The following SGTB variants were observed in gnomAD, a reference collection of about 807,000 sequenced individuals.
SGTB encodes the protein small glutamine-rich tetratricopeptide repeat-containing protein beta.
Under a neutral mutation model 43.9 loss-of-function variants are expected in SGTB, and 19 were observed. The ratio of observed to expected loss-of-function variants is 0.43; its 90% CI spans 0.30 to 0.63. SGTB has a LOEUF of 0.63. SGTB is among the 30% of genes least tolerant of loss of function. The pLI is 0.12. For missense variants in SGTB, 304 were observed against 358.9 expected (o/e 0.85, Z 1.24); for synonymous variants, 116 against 117.3 (o/e 0.99, Z 0.07).
At chr5:65,675,314 C>G (rs759528283) in intron 8 of SGTB, among the ~76,000 whole-genome samples, 2 of 152,154 alleles carry the variant, frequency 1.3e-5, no homozygotes, top group African/African-American at 2.4e-5. Flanking sequence ...GAGGGGCAAG[C>G]TAGGGAACCA....
intron 4 of SGTB, among the ~76,000 whole-genome samples, chr5:65,705,035 G>A: frequency 6.6e-6 from 1 of 152,196 alleles, no homozygotes; most frequent in East Asian, 1.9e-4. Flanking sequence ...AGATACATCT[G>A]GCAGTAATTT....
At chr5:65,720,244 G>A (rs750699253) in intron 2 of SGTB, among the ~76,000 whole-genome samples, 5 of 151,848 alleles carry the variant, frequency 3.3e-5, no homozygotes, top group Non-Finnish European at 5.9e-5. Context: ...ACCACACCTG[G>A]CTACTTTTTG....
chr5:65,682,397 G>T (rs1757413996), intron 6 of SGTB, among the ~76,000 whole-genome samples: 1 of 152,158 alleles, frequency 6.6e-6, no homozygotes, highest in South Asian at 2.1e-4. Context: ...GCTCACTCTG[G>T]CTTCTACGTA....
chr5:65,704,035 C>CAAAA (rs11405488), intron 5 of SGTB, among the ~76,000 whole-genome samples: 18 of 133,340 alleles, frequency 1.3e-4, no homozygotes, highest in South Asian at 2.5e-4. Flanking sequence ...GACTCCGTCT[C>CAAAA]AAAAAAAAAA....
chr5:65,680,260 G>A (rs2150706058), intron 8 of SGTB, among the ~76,000 whole-genome samples: 1 of 152,250 alleles, frequency 6.6e-6, no homozygotes, highest in Middle Eastern at 3.4e-3. Flanking sequence ...GATCTGTGCA[G>A]CAAACTACCA....
At chr5:65,691,327 G>C (rs540298640) in intron 5 of SGTB, among the ~76,000 whole-genome samples, 2 of 152,300 alleles carry the variant, frequency 1.3e-5, no homozygotes, top group East Asian at 1.9e-4. Flanking sequence ...CTTCCTTGGA[G>C]AAATAGTTGA....
At chr5:65,685,103 GAACTGTCTGCCT>G (rs1170695596) in intron 6 of SGTB, among the ~76,000 whole-genome samples, 8 of 152,130 alleles carry the variant, frequency 5.3e-5, no homozygotes, top group Non-Finnish European at 1.2e-4. Flanking sequence ...AAAAATAATA[GAACTGTCTGCCT>G]AACTGTCTGC....
rs1758080351 is a variant in SGTB, at chr5:65,713,406, T to G, written c.101-342A>C. 2.0e-5 allele frequency among the ~76,000 whole-genome samples: 3 copies of G among 152,066 alleles called. No individual in the cohort carries two copies. The South Asian group carries it at 6.2e-4, about 32-fold the overall frequency. ...GCACAATTATAGCTCACTGTTGCCT[T>G]GACTTCCTGGGCTCAAGGGATCCCC... On this transcript the variant is annotated intron_variant, in intron 2 of 10. Coordinates refer to ENST00000381007, the MANE Select transcript of SGTB (RefSeq NM_019072.3).
At chr5:65,686,517 G>GTTT (rs1384920398) in intron 5 of SGTB, among the ~76,000 whole-genome samples, 1 of 137,338 alleles carries the variant, frequency 7.3e-6, no homozygotes, top group African/African-American at 2.7e-5. Flanking sequence ...ACCCACATTT[G>GTTT]TTTTTTTTTT....
At chr5:65,722,503 G>T, upstream of SGTB, 2 of 1,213,928 alleles carry the variant, frequency 1.6e-6, no homozygotes, top group South Asian at 1.3e-5. Context: ...ACCCCTTCCC[G>T]ACCGCGCCTC....
chr5:65,720,259 T>A (rs1280874580), intron 2 of SGTB, among the ~76,000 whole-genome samples: 2 of 152,022 alleles, frequency 1.3e-5, no homozygotes, highest in African/African-American at 4.8e-5. Context: ...TTTTTGTATT[T>A]TTAGTAGAGA....
chr5:65,712,997 C>T lies in SGTB; in HGVS notation c.168G>A (p.Gln56=). ...SPEDTHLAVS[Q]PLTEMFTSSF... ...AACTGGTAAACATTTCTGTCAAAGG[C>T]TGTGAAACTGCTAGGTGTGTATCTT... The change falls in exon 3 of 11, where the codon CAG becomes CAA. Residue 56 remains glutamine (Q), a synonymous_variant. Transcript: ENST00000381007. 1 of 1,613,734 alleles carries T rather than the reference C, an allele frequency of 6.2e-7. No individual in the cohort carries two copies. The highest frequency in any genetic ancestry group is 8.5e-7 in the Non-Finnish European group (1 of 1,179,824).
chr5:65,667,160 T>C lies in SGTB; in HGVS notation c.*3086A>G, dbSNP rs1234234233. ...TTTCTAGTTTGTATCCTATAGGGAA[T>C]CTGTTTCATCTAAGTTGTTAAATAT... On this transcript the variant is annotated 3_prime_UTR_variant, in exon 11 of 11. Transcript: ENST00000381007. 1.3e-5 allele frequency: 2 copies of C among 152,206 alleles called. No homozygotes were observed. Among genetic ancestry groups the C allele is most frequent in the Non-Finnish European group, 2.9e-5 (2 of 68,010 alleles). 9.4% of individuals were successfully genotyped at this position (152,206 alleles called of 1,614,324 possible).
chr5:65,714,883 C>A (rs1465390639), intron 2 of SGTB, among the ~76,000 whole-genome samples: 2 of 152,112 alleles, frequency 1.3e-5, no homozygotes, highest in South Asian at 4.1e-4. Context: ...AAGATTTAGA[C>A]TTCAAGGAAT....
At chr5:65,720,477 A>C (rs1326587094) in intron 2 of SGTB, among the ~76,000 whole-genome samples, 1 of 152,188 alleles carries the variant, frequency 6.6e-6, no homozygotes, top group Non-Finnish European at 1.5e-5. Context: ...CATACTTCTG[A>C]CATATAGTAT....
At chr5:65,717,858 T>C (rs1758180540) in intron 2 of SGTB, among the ~76,000 whole-genome samples, 1 of 152,096 alleles carries the variant, frequency 6.6e-6, no homozygotes, top group South Asian at 2.1e-4. Flanking sequence ...CATGAGTGGG[T>C]GTGAGTAGTT....
chr5:65,712,882 G>T, intron 3 of SGTB, 79 bp downstream of exon 3: 1 of 1,046,948 alleles, frequency 9.6e-7, no homozygotes, highest in Non-Finnish European at 1.4e-6. Flanking sequence ...TCATATACCT[G>T]GCCCCTCAGC....
chr5:65,674,208 G>GC (rs11386001), intron 8 of SGTB, among the ~76,000 whole-genome samples: 152,257 of 152,258 alleles, frequency 1, 76,128 homozygotes, highest in Middle Eastern at 1. Flanking sequence ...CTTTCCCTAG[G>GC]CCCTGGAGAT....
At chr5:65,704,097 C>G (rs190623069) in intron 5 of SGTB, among the ~76,000 whole-genome samples, 182 bp downstream of exon 5, 1 of 151,050 alleles carries the variant, frequency 6.6e-6, no homozygotes. Context: ...ACAAAATATG[C>G]TAACAGATTA....
Sources: gnomAD v4.1 joint callset for allele counts (sites outside exome capture counted in the v4.1 genomes callset) on GRCh38, gnomAD v4.1.1 for gene constraint, MANE v1.5 for transcripts, NCBI Gene and HGNC (gene_info 2026-07-23, HGNC 2026-07-21) for gene names.